The following EDIL3 variants were observed in gnomAD, a reference collection of about 807,000 sequenced individuals.
EDIL3 encodes EGF-like repeat and discoidin I-like domain-containing protein 3.
Under a neutral mutation model 67.4 loss-of-function variants are expected in EDIL3, and 37 were observed. The ratio of observed to expected loss-of-function variants is 0.55; its 90% CI spans 0.42 to 0.72. EDIL3 has a LOEUF of 0.72. Ranked by LOEUF, EDIL3 falls within the 30% of genes least tolerant of loss-of-function variation. EDIL3 has a pLI of 0.00. For synonymous variants in EDIL3, 195 were observed against 196.3 expected (o/e 0.99, Z 0.05); for missense variants, 527 against 586.3 (o/e 0.90, Z 1.04).
chr5:84,286,366 G>A (rs776953491), intron 1 of EDIL3, among the ~76,000 whole-genome samples: 12 of 152,004 alleles, frequency 7.9e-5, no homozygotes, highest in Non-Finnish European at 1.3e-4. Context: ...AAGAGCAGAA[G>A]ATTTATTAAT....
chr5:84,196,191 CA>C (rs1013421195), intron 3 of EDIL3, among the ~76,000 whole-genome samples: 6 of 151,398 alleles, frequency 4.0e-5, no homozygotes, highest in East Asian at 1.9e-4. Flanking sequence ...TATTACTTTG[CA>C]AAAAAAATAT....
chr5:84,045,477 G>A (rs1360910012), intron 9 of EDIL3, among the ~76,000 whole-genome samples: 1 of 151,928 alleles, frequency 6.6e-6, no homozygotes, highest in Non-Finnish European at 1.5e-5. Context: ...TCAAAACTTT[G>A]GTTGGCTTTA....
intron 4 of EDIL3, among the ~76,000 whole-genome samples, chr5:84,150,564 A>G (rs1052654849): frequency 6.6e-6 from 1 of 152,208 alleles, no homozygotes; most frequent in African/African-American, 2.4e-5. Flanking sequence ...TCATTAGAGT[A>G]TATAAATTAA....
intron 9 of EDIL3, among the ~76,000 whole-genome samples, chr5:84,041,667 C>T (rs1157578630): frequency 6.9e-6 from 1 of 143,976 alleles, no homozygotes; most frequent in African/African-American, 2.6e-5. Context: ...TATGTATATA[C>T]TTATATACTT....
At chr5:84,175,188 T>C (rs917271006) in intron 4 of EDIL3, among the ~76,000 whole-genome samples, 1 of 152,020 alleles carries the variant, frequency 6.6e-6, no homozygotes, top group African/African-American at 2.4e-5. Context: ...CCATCCCCAC[T>C]GACATTAATA....
chr5:84,192,013 T>C (rs1171175250), intron 3 of EDIL3, among the ~76,000 whole-genome samples: 4 of 152,032 alleles, frequency 2.6e-5, no homozygotes, highest in African/African-American at 4.8e-5. Flanking sequence ...CTTTTCGAAA[T>C]AGTTTCCCAG....
At chr5:83,949,532 G>A (rs1744370107) in intron 10 of EDIL3, among the ~76,000 whole-genome samples, 1 of 151,812 alleles carries the variant, frequency 6.6e-6, no homozygotes, top group African/African-American at 2.4e-5. Flanking sequence ...TCCAAAAGGA[G>A]TTGATCATCT....
intron 9 of EDIL3, among the ~76,000 whole-genome samples, chr5:83,968,184 A>C (rs1396752803): frequency 6.6e-6 from 1 of 152,078 alleles, no homozygotes; most frequent in African/African-American, 2.4e-5. Context: ...TGTTGGCTAC[A>C]CTTGTAGTCC....
chr5:84,324,110 A>G (rs1476997809), intron 1 of EDIL3, among the ~76,000 whole-genome samples: 1 of 151,928 alleles, frequency 6.6e-6, no homozygotes, highest in African/African-American at 2.4e-5. Context: ...CAGCAACAGC[A>G]TGTACATTCT....
chr5:84,178,672 G>T (rs938015515), intron 4 of EDIL3, among the ~76,000 whole-genome samples: 3 of 152,136 alleles, frequency 2.0e-5, no homozygotes, highest in South Asian at 4.1e-4. Context: ...CTGACTCAGG[G>T]TCACTTATTT....
chr5:84,093,428 C>G (rs1164588559), intron 6 of EDIL3, among the ~76,000 whole-genome samples: 2 of 152,040 alleles, frequency 1.3e-5, no homozygotes, highest in East Asian at 3.9e-4. Flanking sequence ...TCACTTCTAC[C>G]TTTGAAGATA....
intron 9 of EDIL3, among the ~76,000 whole-genome samples, chr5:84,010,047 C>T (rs1745490780): frequency 6.6e-6 from 1 of 152,226 alleles, no homozygotes; most frequent in African/African-American, 2.4e-5. Flanking sequence ...GCAAGTCACA[C>T]AGCTAGCGGA....
intron 1 of EDIL3, among the ~76,000 whole-genome samples, chr5:84,314,711 T>C (rs1444985058): frequency 6.6e-6 from 1 of 152,148 alleles, no homozygotes; most frequent in Non-Finnish European, 1.5e-5. Context: ...ATAATTTTTC[T>C]AAACTGTCCA....
At chr5:83,966,548 T>C (rs1042003488) in intron 9 of EDIL3, among the ~76,000 whole-genome samples, 1 of 152,032 alleles carries the variant, frequency 6.6e-6, no homozygotes, top group African/African-American at 2.4e-5. Context: ...TCTTAAGGAA[T>C]TTGATGCTAA....
At chr5:84,075,541 T>A (rs1746837418) in intron 6 of EDIL3, among the ~76,000 whole-genome samples, 1 of 151,982 alleles carries the variant, frequency 6.6e-6, no homozygotes, top group Admixed American at 6.6e-5. Flanking sequence ...AATGGTGCAA[T>A]CTCAGCTCAC....
At chr5:84,045,662 T>C (rs1224574384) in intron 9 of EDIL3, among the ~76,000 whole-genome samples, 1 of 152,218 alleles carries the variant, frequency 6.6e-6, no homozygotes, top group African/African-American at 2.4e-5. Flanking sequence ...GAAAAGGCTT[T>C]GTCTAGGTCC....
At chr5:84,192,945 G>A (rs78233999) in intron 3 of EDIL3, among the ~76,000 whole-genome samples, 1 of 151,910 alleles carries the variant, frequency 6.6e-6, no homozygotes, top group Admixed American at 6.6e-5. Flanking sequence ...GCTAAGGTAA[G>A]AAAGAAATGA....
chr5:84,197,564 C>T (rs766195344), intron 3 of EDIL3, among the ~76,000 whole-genome samples: 1 of 151,374 alleles, frequency 6.6e-6, no homozygotes, highest in Admixed American at 6.6e-5. Context: ...GAGGCTTAGG[C>T]AGGAGGATTG....
chr5:84,315,505 T>C (rs182111915), intron 1 of EDIL3, among the ~76,000 whole-genome samples: 28 of 152,308 alleles, frequency 1.8e-4, no homozygotes, highest in Admixed American at 9.2e-4. Flanking sequence ...TTAAAAAAGA[T>C]TTAACACCTC....
Sources: gnomAD v4.1 joint callset for allele counts (sites outside exome capture counted in the v4.1 genomes callset) on GRCh38, gnomAD v4.1.1 for gene constraint, MANE v1.5 for transcripts, NCBI Gene and HGNC (gene_info 2026-07-23, HGNC 2026-07-21) for gene names.